PIEZO1: variants seen among roughly 807,000 people sequenced by gnomAD.
The protein encoded by PIEZO1 is piezo-type mechanosensitive ion channel component 1.
Under a neutral mutation model 297.2 loss-of-function variants are expected in PIEZO1, and 296 were observed. That is an observed-to-expected ratio of 1.00 (90% CI 0.91 to 1.10). The LOEUF (loss-of-function observed/expected upper bound fraction) is 1.10, where lower values mean the gene tolerates loss of function less well. PIEZO1 is among the 50% of genes least tolerant of loss of function. The pLI is 0.00. For synonymous variants in PIEZO1, 2,427 were observed against 1,507.5 expected, an observed-to-expected ratio of 1.61 and a Z score of -14.13; for missense variants, 5,018 against 3,455.5, an observed-to-expected ratio of 1.45 and a Z score of -11.34.
chr16:88,716,340 C>T (rs1331711316), intron 48 of PIEZO1, 21 bp downstream of exon 48: 3 of 1,511,542 alleles, frequency 2.0e-6, no homozygotes, highest in African/African-American at 1.4e-5. Flanking sequence ...CTCCTGCCCA[C>T]CACCCGGGCC....
At chr16:88,746,598 G>C (rs946117775) in intron 2 of PIEZO1, among the ~76,000 whole-genome samples, 18 of 152,314 alleles carry the variant, frequency 1.2e-4, no homozygotes, top group South Asian at 8.3e-4. Flanking sequence ...AAGCCCAGCA[G>C]CTGCACAAAT....
At chr16:88,740,578 C>T (rs726884) in intron 5 of PIEZO1, 33,991 of 152,490 alleles carry the variant, frequency 0.22, 4,261 homozygotes, top group East Asian at 0.56. Flanking sequence ...CGGGCACCAG[C>T]CTTGCCCCAT....
intron 44 of PIEZO1, chr16:88,718,605 G>GAAAT (rs1370468019): frequency 1.3e-5 from 2 of 152,306 alleles, no homozygotes; most frequent in African/African-American, 4.8e-5. Flanking sequence ...CTGTTTTCAT[G>GAAAT]AAATATCCAC....
At chr16:88,715,908 G>C (rs1411043504) in intron 50 of PIEZO1, 25 bp downstream of exon 50, 2 of 1,534,010 alleles carry the variant, frequency 1.3e-6, no homozygotes, top group Non-Finnish European at 1.8e-6. Context: ...CGAGCTGCGG[G>C]GTGCCCCCCC....
chr16:88,733,818 A>T (rs1905035504), intron 17 of PIEZO1, 73 bp from the exon 18 acceptor site: 1 of 1,466,798 alleles, frequency 6.8e-7, no homozygotes, highest in South Asian at 1.4e-5. Context: ...GAGGCTCTGG[A>T]GCCCAGAGGG....
chr16:88,766,091 C>T (rs1051327389), intron 1 of PIEZO1, among the ~76,000 whole-genome samples: 13 of 152,182 alleles, frequency 8.5e-5, no homozygotes, highest in East Asian at 1.9e-4. Flanking sequence ...GTCACGCCTG[C>T]GGGTGGGGTG....
intron 10 of PIEZO1, 136 bp from the exon 11 acceptor site, chr16:88,736,875 G>A (rs532138856): frequency 1.1e-4 from 59 of 553,716 alleles, no homozygotes; most frequent in African/African-American, 4.5e-4. Flanking sequence ...GGCAGAACAC[G>A]AGGGCTCCGG....
Position 88,720,156 on chromosome 16 carries a change from G to A in PIEZO1, c.6077C>T (p.Thr2026Ile), listed in dbSNP as rs1318182400. The A allele has an allele frequency of 7.7e-6, 12 of 1,550,366 alleles. No individual in the cohort carries two copies. Among genetic ancestry groups the A allele is most frequent in the Admixed American group, 5.9e-5 (3 of 50,994 alleles). The stretch of plus-strand genomic sequence containing the variant: ...CTGGAAGGCCAGCTTGCCCAGCACG[G>A]TCTTGCGCAGGTAGAGGGCGCGGTC... ...VVDRALYLRKTVLGKLAFQVA... is the reference protein window; with the variant it reads ...VVDRALYLRKIVLGKLAFQVA... Residue 2026 changes from threonine to isoleucine, a missense_variant, in exon 42 of 51, where the codon ACC (threonine) becomes ATC (isoleucine). Transcript: ENST00000301015.
chr16:88,755,146 C>T (rs1196711172), intron 1 of PIEZO1, among the ~76,000 whole-genome samples: 1 of 152,206 alleles, frequency 6.6e-6, no homozygotes, highest in Non-Finnish European at 1.5e-5. Context: ...AGGACCACGA[C>T]TGTCACCTCC....
Position 88,721,299 on chromosome 16 carries a change from T to C in PIEZO1, c.5535A>G (p.Glu1845=). ...AATTEDHIQV[E]ARVGPTDGTP... The stretch of plus-strand genomic sequence containing the variant: ...TCCCGTCCGTGGGTCCGACCCTGGC[T>C]TCCACCTGAATGTGGTCTTCGGTGG... The change falls in exon 39 of 51, where the codon GAA becomes GAG. Residue 1845 remains glutamate (E), a synonymous_variant. Coordinates refer to ENST00000301015, the MANE Select transcript of PIEZO1 (RefSeq NM_001142864.4). 6.5e-7 allele frequency: 1 copy of C among 1,545,694 alleles called. No individual in the cohort carries two copies. The highest frequency in any genetic ancestry group is 1.2e-5 in the South Asian group (1 of 84,052).
chr16:88,747,420 G>T (rs1464331940), intron 2 of PIEZO1, among the ~76,000 whole-genome samples: 1 of 152,228 alleles, frequency 6.6e-6, no homozygotes, highest in Non-Finnish European at 1.5e-5. Context: ...GGAGGCCGAG[G>T]CGGGAGAATC....
rs557783308 is a variant in PIEZO1, at chr16:88,715,590, C to T, written c.*15G>A. The T allele has an allele frequency of 3.0e-5, 47 of 1,546,570 alleles. No individual in the cohort carries two copies. The highest frequency in any genetic ancestry group is 2.3e-4 in the African/African-American group (17 of 73,110). On this transcript the variant is annotated 3_prime_UTR_variant, in exon 51 of 51. Coordinates refer to ENST00000301015, the MANE Select transcript of PIEZO1 (RefSeq NM_001142864.4). Reference sequence around the variant, plus strand: ...GCAGGCCGGCTCCTTCCCTCTCGGGCGCCAGCAGCAGCTCCTACTCCTTCT... The same window carrying T: ...GCAGGCCGGCTCCTTCCCTCTCGGGTGCCAGCAGCAGCTCCTACTCCTTCT...
intron 1 of PIEZO1, among the ~76,000 whole-genome samples, chr16:88,777,877 C>T (rs1242389094): frequency 6.6e-6 from 1 of 152,180 alleles, no homozygotes; most frequent in Non-Finnish European, 1.5e-5. Context: ...GAGGCTCCTC[C>T]CGGGCAGGTG....
chr16:88,765,942 G>A (rs1907156861), intron 1 of PIEZO1, among the ~76,000 whole-genome samples: 1 of 152,140 alleles, frequency 6.6e-6, no homozygotes, highest in African/African-American at 2.4e-5. Context: ...CCAAGGTGCT[G>A]GGGATACAGG....
At chr16:88,752,750 G>T (rs1026620777) in intron 1 of PIEZO1, among the ~76,000 whole-genome samples, 2 of 152,220 alleles carry the variant, frequency 1.3e-5, no homozygotes, top group Middle Eastern at 3.4e-3. Context: ...AGGCACCTTG[G>T]CAGGGGTTCC....
At chr16:88,784,516 A>G (rs1293018170) in intron 1 of PIEZO1, among the ~76,000 whole-genome samples, 1 of 151,836 alleles carries the variant, frequency 6.6e-6, no homozygotes, top group Non-Finnish European at 1.5e-5. Context: ...GAAAGAGAAA[A>G]AGAGATTCGT....
intron 22 of PIEZO1, among the ~76,000 whole-genome samples, chr16:88,730,176 G>A (rs973008529): frequency 2.0e-5 from 3 of 152,252 alleles, no homozygotes; most frequent in East Asian, 1.9e-4. Context: ...CACACCCAGC[G>A]CCCAGACCCC....
chr16:88,765,668 ATTTTT>A (rs397966717), intron 1 of PIEZO1, among the ~76,000 whole-genome samples: 1 of 131,752 alleles, frequency 7.6e-6, no homozygotes. Flanking sequence ...GTTATCTCTA[ATTTTT>A]TTTTTTTTTT....
intron 22 of PIEZO1, among the ~76,000 whole-genome samples, chr16:88,730,453 C>T (rs899512451): frequency 1.3e-5 from 2 of 152,014 alleles, no homozygotes; most frequent in African/African-American, 2.4e-5. Context: ...CAAAAATTAG[C>T]CGGGCCTGGT....
Sources: gnomAD v4.1 joint callset for allele counts (sites outside exome capture counted in the v4.1 genomes callset) on GRCh38, gnomAD v4.1.1 for gene constraint, MANE v1.5 for transcripts, NCBI Gene and HGNC (gene_info 2026-07-23, HGNC 2026-07-21) for gene names.